The following APBB1IP variants were observed in gnomAD, a reference collection of about 807,000 sequenced individuals.
APBB1IP encodes amyloid beta A4 precursor protein-binding family B member 1-interacting protein.
Under a neutral mutation model 64.9 loss-of-function variants are expected in APBB1IP, and 27 were observed. That is an observed-to-expected ratio of 0.42 (90% CI 0.31 to 0.57). The LOEUF (loss-of-function observed/expected upper bound fraction) is 0.57, where lower values mean the gene tolerates loss of function less well. Among genes scored for constraint, APBB1IP ranks in the 20% least tolerant of loss-of-function variants. The pLI, the probability that APBB1IP is intolerant of heterozygous loss-of-function variation, is 0.20. For synonymous variants in APBB1IP, 392 were observed against 331.0 expected, an observed-to-expected ratio of 1.18 and a Z score of -2.00; for missense variants, 812 against 845.5, an observed-to-expected ratio of 0.96 and a Z score of 0.49.
intron 3 of APBB1IP, among the ~76,000 whole-genome samples, chr10:26,494,045 C>T (rs958666577): frequency 3.9e-5 from 6 of 152,092 alleles, no homozygotes; most frequent in Admixed American, 6.6e-5. Flanking sequence ...ACTATGTTGC[C>T]CAGGCTGGAT....
chr10:26,556,676 G>A (rs144022761), intron 11 of APBB1IP, among the ~76,000 whole-genome samples: 2 of 152,312 alleles, frequency 1.3e-5, no homozygotes, highest in Non-Finnish European at 2.9e-5. Context: ...TGTGCATTTT[G>A]TTGCAAACAC....
At chr10:26,511,687 A>T in intron 6 of APBB1IP, 60 bp from the exon 7 acceptor site, 1 of 1,586,428 alleles carries the variant, frequency 6.3e-7, no homozygotes, top group South Asian at 1.1e-5. Context: ...TGAAACCCTC[A>T]TCTTAGTAGC....
In APBB1IP at chr10:26,501,005, T is replaced by A. The variant is rs1224644836; in HGVS notation, c.347T>A (p.Val116Asp). ...GCCTCTCTTGGTTATGGAACAAATG[T>A]TGCTGCCACTGGTATCAGCCAATAT... ...GAASLGYGTNVAATGISQYED... is the reference protein window; with the variant it reads ...GAASLGYGTNDAATGISQYED... The change falls in exon 5 of 15, where the codon GTT (valine) becomes GAT (aspartate). Residue 116 changes from valine (V) to aspartate (D), a missense_variant. Val to Asp is a radical substitution (Grantham distance 152). Coordinates refer to ENST00000376236, the MANE Select transcript of APBB1IP (RefSeq NM_019043.4). The A allele has an allele frequency of 4.3e-6, 7 of 1,614,106 alleles. No individual in the cohort carries two copies. The highest frequency in any genetic ancestry group is 5.9e-6 in the Non-Finnish European group (7 of 1,180,044).
Position 26,560,857 on chromosome 10 carries a change from G to A in APBB1IP, c.1369+13G>A, listed in dbSNP as rs1310732397. 4 of 1,562,308 alleles carry A rather than the reference G, an allele frequency of 2.6e-6. No homozygotes were observed. Among genetic ancestry groups the A allele is most frequent in the Non-Finnish European group, 3.5e-6 (4 of 1,153,716 alleles). ...CAGCCATCTACAGGTACTAAGTGGA[G>A]GAGAAATTCCAACACATATTCAAAG... is the stretch of plus-strand genomic sequence containing the variant. On this transcript the variant is annotated intron_variant, in intron 13 of 14. Coordinates refer to ENST00000376236, the MANE Select transcript of APBB1IP (RefSeq NM_019043.4).
chr10:26,539,336 C>T (rs1444089657), intron 10 of APBB1IP, among the ~76,000 whole-genome samples: 2 of 149,602 alleles, frequency 1.3e-5, no homozygotes, highest in Non-Finnish European at 3.0e-5. Context: ...CATTTGAGCC[C>T]GGGAGGTCAA....
chr10:26,538,137 T>TTAGA (rs1836651288), intron 10 of APBB1IP, among the ~76,000 whole-genome samples: 1 of 152,090 alleles, frequency 6.6e-6, no homozygotes, highest in Non-Finnish European at 1.5e-5. Context: ...TGAAAAACTG[T>TTAGA]TAGAACCAAA....
At chr10:26,492,531 G>T (rs1489037210) in intron 3 of APBB1IP, 133 bp downstream of exon 3, 1 of 752,580 alleles carries the variant, frequency 1.3e-6, no homozygotes, top group South Asian at 1.8e-5. Flanking sequence ...TTTCAATGTA[G>T]GTTCTTTTCT....
intron 11 of APBB1IP, among the ~76,000 whole-genome samples, chr10:26,542,239 C>G (rs1234323778): frequency 6.6e-6 from 1 of 152,168 alleles, no homozygotes; most frequent in Admixed American, 6.5e-5. Flanking sequence ...CCACTGCAGC[C>G]TCAGCCCCCC....
intron 9 of APBB1IP, among the ~76,000 whole-genome samples, chr10:26,535,712 T>A (rs1457154210): frequency 6.6e-6 from 1 of 152,236 alleles, no homozygotes; most frequent in Non-Finnish European, 1.5e-5. Context: ...TAACATTAAT[T>A]GCTTTTATTA....
intron 4 of APBB1IP, 46 bp downstream of exon 4, chr10:26,496,437 A>G: frequency 7.0e-7 from 1 of 1,427,838 alleles, no homozygotes; most frequent in Middle Eastern, 1.8e-4. Context: ...AATCATAATG[A>G]TGATTCAAAT....
intron 2 of APBB1IP, among the ~76,000 whole-genome samples, chr10:26,460,044 A>C (rs1049501776): frequency 2.0e-5 from 3 of 152,240 alleles, no homozygotes; most frequent in Admixed American, 6.5e-5. Flanking sequence ...GGAAAATTTA[A>C]TGATGACTCA....
intron 2 of APBB1IP, among the ~76,000 whole-genome samples, chr10:26,473,627 A>G (rs546876464): frequency 6.6e-6 from 1 of 152,362 alleles, no homozygotes; most frequent in Non-Finnish European, 1.5e-5. Flanking sequence ...ACTACATCAT[A>G]GGTGACCCCC....
chr10:26,491,763 T>TG (rs1325475970), intron 2 of APBB1IP, among the ~76,000 whole-genome samples: 3 of 147,932 alleles, frequency 2.0e-5, no homozygotes, highest in Non-Finnish European at 4.5e-5. Flanking sequence ...TGTAAGGTTT[T>TG]TTTTTTTTTT....
At chr10:26,534,334 C>T (rs1836592895) in intron 9 of APBB1IP, among the ~76,000 whole-genome samples, 1 of 149,706 alleles carries the variant, frequency 6.7e-6, no homozygotes, top group Non-Finnish European at 1.5e-5. Flanking sequence ...GATCTGTTCG[C>T]AGCACATAAC....
intron 6 of APBB1IP, among the ~76,000 whole-genome samples, chr10:26,510,710 T>C (rs1836240627): frequency 6.9e-6 from 1 of 145,934 alleles, no homozygotes; most frequent in South Asian, 2.2e-4. Flanking sequence ...CACTCCAGCC[T>C]AGGCAACAGA....
chr10:26,510,936 C>T (rs1388291936), intron 6 of APBB1IP, among the ~76,000 whole-genome samples: 1 of 152,002 alleles, frequency 6.6e-6, no homozygotes, highest in Non-Finnish European at 1.5e-5. Context: ...GCTCTGTGGA[C>T]CTTTAGAGAA....
chr10:26,500,344 TC>T (rs994745310), intron 4 of APBB1IP, among the ~76,000 whole-genome samples: 1 of 152,152 alleles, frequency 6.6e-6, no homozygotes, highest in African/African-American at 2.4e-5. Context: ...GCACATTAAA[TC>T]CCCATTGGTT....
At chr10:26,537,784 A>T (rs543777176) in intron 10 of APBB1IP, among the ~76,000 whole-genome samples, 2 of 151,938 alleles carry the variant, frequency 1.3e-5, no homozygotes, top group East Asian at 3.9e-4. Context: ...AAATACAAAA[A>T]TTAGCTGGGT....
intron 2 of APBB1IP, among the ~76,000 whole-genome samples, chr10:26,485,888 G>A (rs1835884863): frequency 1.3e-5 from 2 of 152,210 alleles, no homozygotes; most frequent in African/African-American, 2.4e-5. Context: ...AAAGGGAATA[G>A]CATATACAAA....
Sources: allele counts gnomAD v4.1 joint callset (sites outside exome capture counted in the v4.1 genomes callset), GRCh38; gene constraint gnomAD v4.1.1; transcripts MANE v1.5; gene names NCBI Gene and HGNC (gene_info 2026-07-23, HGNC 2026-07-21).